FGGY: variants seen among roughly 807,000 people sequenced by gnomAD.
FGGY encodes FGGY carbohydrate kinase domain-containing protein.
Under a neutral mutation model 71.3 loss-of-function variants are expected in FGGY, and 72 were observed. That is an observed-to-expected ratio of 1.01 (90% CI 0.84 to 1.23). The LOEUF (loss-of-function observed/expected upper bound fraction) is 1.23. Ranked by LOEUF, FGGY falls within the 50% of genes most tolerant of loss-of-function variation. The pLI is 0.00. For missense variants in FGGY, 668 were observed against 682.3 expected, an observed-to-expected ratio of 0.98 and a Z score of 0.23; for synonymous variants, 251 against 250.3, an observed-to-expected ratio of 1.00 and a Z score of -0.02.
chr1:59,584,034 C>G (rs1476888697), intron 8 of FGGY, among the ~76,000 whole-genome samples: 1 of 149,344 alleles, frequency 6.7e-6, no homozygotes, highest in Non-Finnish European at 1.5e-5. Flanking sequence ...AGCTTACCAA[C>G]CAAAAAAAGT....
intron 8 of FGGY, among the ~76,000 whole-genome samples, chr1:59,555,256 G>A (rs1167468257): frequency 6.6e-6 from 1 of 152,162 alleles, no homozygotes; most frequent in Non-Finnish European, 1.5e-5. Context: ...ATGATACTAA[G>A]CATCTGTTAT....
At chr1:59,641,747 A>G (rs913763789) in intron 11 of FGGY, among the ~76,000 whole-genome samples, 14 of 152,316 alleles carry the variant, frequency 9.2e-5, no homozygotes, top group African/African-American at 3.1e-4. Flanking sequence ...GGAAAACTAG[A>G]ATTGGTATTC....
chr1:59,633,001 CTTT>C (rs58061913), intron 10 of FGGY, among the ~76,000 whole-genome samples: 1 of 135,684 alleles, frequency 7.4e-6, no homozygotes, highest in African/African-American at 2.7e-5. Context: ...TTATACATTT[CTTT>C]TTTTTTTTTT....
chr1:59,697,620 G>A, intron 14 of FGGY: 1 of 1,262,594 alleles, frequency 7.9e-7, no homozygotes, highest in Non-Finnish European at 1.1e-6. Context: ...ACTTTGGCGT[G>A]CTTAACATTT....
intron 6 of FGGY, among the ~76,000 whole-genome samples, chr1:59,494,940 A>C (rs1379364104): frequency 1.3e-5 from 2 of 152,182 alleles, no homozygotes; most frequent in Non-Finnish European, 2.9e-5. Flanking sequence ...TGCTTTCCAC[A>C]ATGGCTGAAT....
chr1:59,327,184 C>T (rs2047600872), intron 2 of FGGY, among the ~76,000 whole-genome samples: 1 of 152,188 alleles, frequency 6.6e-6, no homozygotes, highest in African/African-American at 2.4e-5. Context: ...AAAGATTTCT[C>T]TGTAGCATGC....
At chr1:59,585,300 T>C (rs947199338) in intron 8 of FGGY, among the ~76,000 whole-genome samples, 2 of 152,196 alleles carry the variant, frequency 1.3e-5, no homozygotes, top group African/African-American at 4.8e-5. Context: ...CAAAATAGCA[T>C]GGTACTGGTA....
chr1:59,560,997 C>G (rs1201716507), intron 8 of FGGY, among the ~76,000 whole-genome samples: 1 of 152,174 alleles, frequency 6.6e-6, no homozygotes, highest in African/African-American at 2.4e-5. Context: ...AGCTGACTTC[C>G]CCTGAGGCCT....
chr1:59,555,940 G>A (rs1030902466), intron 8 of FGGY, among the ~76,000 whole-genome samples: 4 of 152,198 alleles, frequency 2.6e-5, no homozygotes, highest in Non-Finnish European at 4.4e-5. Context: ...GGCAGAGGTT[G>A]CAGCAAGCCG....
At chr1:59,393,419 G>A (rs959404213) in intron 5 of FGGY, 2 of 152,174 alleles carry the variant, frequency 1.3e-5, no homozygotes, top group African/African-American at 4.8e-5. Context: ...CTAATCCAAG[G>A]CAATGTGTCT....
At chr1:59,625,540 T>G (rs1014875591) in intron 9 of FGGY, among the ~76,000 whole-genome samples, 3 of 152,182 alleles carry the variant, frequency 2.0e-5, no homozygotes, top group Non-Finnish European at 4.4e-5. Context: ...TTCATTCAGC[T>G]TCTCCATTAG....
intron 8 of FGGY, among the ~76,000 whole-genome samples, chr1:59,587,544 C>G (rs1228724551): frequency 6.6e-6 from 1 of 152,158 alleles, no homozygotes; most frequent in South Asian, 2.1e-4. Flanking sequence ...GGGAGGCACC[C>G]CCCAGTAGGG....
Position 59,606,779 on chromosome 1 carries a change from G to A in FGGY, c.904-1024G>A, listed in dbSNP as rs548987063. Among the ~76,000 whole-genome samples the A allele has an allele frequency of 5.9e-5, 9 of 152,238 alleles. No homozygotes were observed. In the South Asian group the frequency reaches 1.2e-3, roughly 21 times the overall value. On this transcript the variant is annotated intron_variant, in intron 8 of 15. Coordinates refer to ENST00000303721, the MANE Select transcript of FGGY (RefSeq NM_018291.5). ...CCTTGGGGTATATATCTAAATGGCG[G>A]CCTCTATCTTTGTATAATCTTTAGT...
intron 15 of FGGY, among the ~76,000 whole-genome samples, chr1:59,760,045 C>G (rs1574109275): frequency 6.6e-6 from 1 of 152,082 alleles, no homozygotes; most frequent in African/African-American, 2.4e-5. Flanking sequence ...TATCATACAT[C>G]CAGTAAGGGA....
At chr1:59,413,615 T>C (rs1202256791) in intron 5 of FGGY, among the ~76,000 whole-genome samples, 1 of 152,138 alleles carries the variant, frequency 6.6e-6, no homozygotes, top group East Asian at 1.9e-4. Context: ...TGCTTATTTA[T>C]TTAGTTTTTA....
At chr1:59,522,706 T>C (rs1012506803) in intron 7 of FGGY, among the ~76,000 whole-genome samples, 2 of 152,224 alleles carry the variant, frequency 1.3e-5, no homozygotes, top group Non-Finnish European at 2.9e-5. Flanking sequence ...GGGAAGGTAT[T>C]TTTACCTCCC....
At chr1:59,675,891 G>C (rs1189173034) in intron 14 of FGGY, among the ~76,000 whole-genome samples, 2 of 152,148 alleles carry the variant, frequency 1.3e-5, no homozygotes, top group Non-Finnish European at 2.9e-5. Context: ...ATTAGGGTTA[G>C]ATGAAATCAT....
In FGGY at chr1:59,626,340, C is replaced by T. The variant is rs553073360; in HGVS notation, c.1073+291C>T. The T allele has an allele frequency of 6.7e-5, 21 of 311,512 alleles. 1 individual carries two copies. In the South Asian group the frequency reaches 1.4e-3, roughly 21 times the overall value. 19.3% of individuals were successfully genotyped at this position (311,512 alleles called of 1,614,324 possible). A position where few individuals can be genotyped will look rare whatever the true frequency, so the allele number is the denominator to read the frequency against. Reference sequence around the variant, plus strand: ...CTGGAGTCAAAACTTCTTAGTTTCACATCCCAGCCATACTCCTTAATAGAT... The same window carrying T: ...CTGGAGTCAAAACTTCTTAGTTTCATATCCCAGCCATACTCCTTAATAGAT... On this transcript the variant is annotated intron_variant, in intron 10 of 15. Transcript: ENST00000303721.
chr1:59,389,471 G>A (rs1016904478), intron 5 of FGGY, among the ~76,000 whole-genome samples: 1 of 152,048 alleles, frequency 6.6e-6, no homozygotes, highest in Non-Finnish European at 1.5e-5. Flanking sequence ...CATTCATCTT[G>A]TCCAAATGGA....
Sources: allele counts gnomAD v4.1 joint callset (sites outside exome capture counted in the v4.1 genomes callset), GRCh38; gene constraint gnomAD v4.1.1; transcripts MANE v1.5; gene names NCBI Gene and HGNC (gene_info 2026-07-23, HGNC 2026-07-21).